FOXN3: variants seen among roughly 807,000 people sequenced by gnomAD.
FOXN3 encodes the protein forkhead box protein N3.
FOXN3 carries 7 observed loss-of-function variants against 38.4 expected under a neutral mutation model. The observed-to-expected ratio is 0.18, with a 90% CI of 0.10 to 0.34. The LOEUF (loss-of-function observed/expected upper bound fraction) is 0.34. Among genes scored for constraint, FOXN3 ranks in the 10% least tolerant of loss-of-function variants. The pLI, the probability that FOXN3 is intolerant of heterozygous loss-of-function variation, is 1.00. For missense variants in FOXN3, 456 were observed against 613.4 expected (o/e 0.74, Z 2.71); for synonymous variants, 230 against 242.2 (o/e 0.95, Z 0.47).
At chr14:89,351,657 C>A (rs1431460608) in intron 2 of FOXN3, among the ~76,000 whole-genome samples, 1 of 152,206 alleles carries the variant, frequency 6.6e-6, no homozygotes, top group Non-Finnish European at 1.5e-5. Flanking sequence ...GTTCCTCTGG[C>A]CGCACACTTT....
intron 1 of FOXN3, among the ~76,000 whole-genome samples, chr14:89,511,589 C>T (rs1252390994): frequency 6.6e-6 from 1 of 152,074 alleles, no homozygotes; most frequent in African/African-American, 2.4e-5. Context: ...TACTCCAAGA[C>T]CAACTTGCCC....
At chr14:89,355,106 A>C (rs1483359746) in intron 2 of FOXN3, 1 of 151,792 alleles carries the variant, frequency 6.6e-6, no homozygotes, top group Non-Finnish European at 1.5e-5. Flanking sequence ...ACCTGGGGGA[A>C]TAAAAATCAA....
intron 4 of FOXN3, 94 bp from the exon 5 acceptor site, chr14:89,180,900 G>A: frequency 1.9e-6 from 1 of 522,978 alleles, no homozygotes; most frequent in Non-Finnish European, 2.9e-6. Context: ...CAATAAGAGA[G>A]AGAGAGAGAC....
intron 3 of FOXN3, among the ~76,000 whole-genome samples, chr14:89,282,727 G>A (rs562604876): frequency 6.6e-6 from 1 of 152,276 alleles, no homozygotes; most frequent in Non-Finnish European, 1.5e-5. Context: ...GAGTATTACT[G>A]CAGGAGCCTG....
chr14:89,610,849 T>A (rs185771718), intron 1 of FOXN3, among the ~76,000 whole-genome samples: 35 of 152,366 alleles, frequency 2.3e-4, no homozygotes, highest in South Asian at 6.2e-4. Flanking sequence ...TTTGTGCATA[T>A]GTCTTTGGCA....
chr14:89,281,514 C>A (rs914842786), intron 3 of FOXN3, among the ~76,000 whole-genome samples: 1 of 152,118 alleles, frequency 6.6e-6, no homozygotes, highest in Non-Finnish European at 1.5e-5. Context: ...TTCCTCCTTC[C>A]CCCTCTTCTC....
chr14:89,405,357 G>C (rs1051147694), intron 2 of FOXN3, among the ~76,000 whole-genome samples: 2 of 152,080 alleles, frequency 1.3e-5, no homozygotes, highest in African/African-American at 2.4e-5. Context: ...GGCTGGTCTT[G>C]AACTCCTGGC....
chr14:89,480,311 G>A (rs993410951), intron 1 of FOXN3, among the ~76,000 whole-genome samples: 3 of 152,022 alleles, frequency 2.0e-5, no homozygotes, highest in South Asian at 2.1e-4. Context: ...GCTGAAGCAG[G>A]AGAATCACTT....
At chr14:89,483,229 T>G (rs962920844) in intron 1 of FOXN3, among the ~76,000 whole-genome samples, 1 of 152,062 alleles carries the variant, frequency 6.6e-6, no homozygotes, top group African/African-American at 2.4e-5. Context: ...AGAATGGGTG[T>G]ACATTCTCAA....
intron 1 of FOXN3, among the ~76,000 whole-genome samples, chr14:89,510,518 A>G (rs879318243): frequency 2.0e-5 from 3 of 152,272 alleles, no homozygotes; most frequent in Admixed American, 1.3e-4. Flanking sequence ...TCCCCAGCAC[A>G]CAGCTCCGAT....
rs1181511855 is a variant in FOXN3 at position 89,417,170 on chromosome 14, TCGGGCCGGGGCGCGC to T, written c.-329_-315del. 2.9e-5 allele frequency: 4 copies of T among 136,620 alleles called. No homozygotes were observed. Among genetic ancestry groups the T allele is most frequent in the Middle Eastern group, 3.9e-3 (1 of 258 alleles). The allele number at this position is 136,620 out of a possible 1,614,324, so 8.5% of individuals were successfully genotyped here. On this transcript the variant is annotated 5_prime_UTR_variant, in exon 1 of 6. Coordinates refer to ENST00000557258, the MANE Select transcript of FOXN3 (RefSeq NM_005197.4). ...TCCCGCTCGCCTCCGCCGCGGCGCG[TCGGGCCGGGGCGCGC>T]CGAGCGGCGAGAAATTGTTTCCACT...
chr14:89,353,982 G>T (rs1889088057), intron 2 of FOXN3, among the ~76,000 whole-genome samples: 1 of 151,688 alleles, frequency 6.6e-6, no homozygotes, highest in African/African-American at 2.4e-5. Context: ...ATTTTCTTGG[G>T]TTTCATGTAA....
At chr14:89,171,039 C>A (rs1254026091) in intron 5 of FOXN3, among the ~76,000 whole-genome samples, 1 of 148,012 alleles carries the variant, frequency 6.8e-6, no homozygotes, top group African/African-American at 2.5e-5. Context: ...CAAAGTAGAG[C>A]TAATTTAAAA....
chr14:89,477,955 T>C (rs1893245369), intron 1 of FOXN3, among the ~76,000 whole-genome samples: 1 of 152,104 alleles, frequency 6.6e-6, no homozygotes. Flanking sequence ...TACCAAGAGC[T>C]TCCACAAGGC....
At chr14:89,357,867 T>C (rs1369550539) in intron 2 of FOXN3, among the ~76,000 whole-genome samples, 2 of 152,174 alleles carry the variant, frequency 1.3e-5, no homozygotes, top group African/African-American at 4.8e-5. Flanking sequence ...CGCGCGACTG[T>C]ATCTGGAGGA....
intron 4 of FOXN3, among the ~76,000 whole-genome samples, chr14:89,227,170 G>T (rs754378245): frequency 6.6e-6 from 1 of 152,130 alleles, no homozygotes; most frequent in Non-Finnish European, 1.5e-5. Flanking sequence ...AGTAAAACAA[G>T]AATGATCTCA....
intron 4 of FOXN3, among the ~76,000 whole-genome samples, chr14:89,268,484 G>A (rs1204604751): frequency 1.3e-5 from 2 of 152,190 alleles, no homozygotes; most frequent in South Asian, 2.1e-4. Flanking sequence ...CATGACTCTC[G>A]ACTGTACATA....
chr14:89,599,133 TC>T (rs1896109570), intron 1 of FOXN3, among the ~76,000 whole-genome samples: 1 of 152,232 alleles, frequency 6.6e-6, no homozygotes, highest in South Asian at 2.1e-4. Flanking sequence ...GATATTTTCT[TC>T]TGCTTTATCT....
At chr14:89,476,300 T>C (rs1270155613) in intron 1 of FOXN3, among the ~76,000 whole-genome samples, 1 of 152,144 alleles carries the variant, frequency 6.6e-6, no homozygotes, top group Non-Finnish European at 1.5e-5. Context: ...TCATATTGAC[T>C]GGGCCAATCT....
Sources: gnomAD v4.1 joint callset for allele counts (sites outside exome capture counted in the v4.1 genomes callset) on GRCh38, gnomAD v4.1.1 for gene constraint, MANE v1.5 for transcripts, NCBI Gene and HGNC (gene_info 2026-07-23, HGNC 2026-07-21) for gene names.